Variants in TRIM24 observed in about 807,000 individuals in gnomAD.
The protein encoded by TRIM24 is transcription intermediary factor 1-alpha.
A neutral mutation model predicts 123.9 loss-of-function variants in TRIM24; 29 were observed. That is an observed-to-expected ratio of 0.23 (90% confidence interval 0.17 to 0.32). The LOEUF (loss-of-function observed/expected upper bound fraction) is 0.32, where lower values mean the gene tolerates loss of function less well. TRIM24 is among the 10% of genes least tolerant of loss of function. The pLI is 1.00. For missense variants in TRIM24, 932 were observed against 1,295.3 expected (o/e 0.72, Z 4.31); for synonymous variants, 456 against 461.1 (o/e 0.99, Z 0.14).
chr7:138,584,684 T>C, intron 18 of TRIM24, 58 bp from the exon 19 acceptor site: 2 of 1,340,218 alleles, frequency 1.5e-6, no homozygotes, highest in Non-Finnish European at 2.0e-6. Context: ...TTAATATATA[T>C]AATCTCAGAA....
intron 1 of TRIM24, among the ~76,000 whole-genome samples, chr7:138,486,321 G>A (rs968334527): frequency 6.6e-6 from 1 of 152,106 alleles, no homozygotes; most frequent in African/African-American, 2.4e-5. Context: ...CTTTTGCTGT[G>A]CAGAAGTTCT....
At chr7:138,583,638 AAC>A (rs1185231528) in intron 17 of TRIM24, among the ~76,000 whole-genome samples, 4 of 152,172 alleles carry the variant, frequency 2.6e-5, no homozygotes, top group African/African-American at 9.7e-5. Context: ...TAATTGGTTA[AAC>A]TTTTGGAAAA....
At chr7:138,542,125 A>G (rs1322965594) in intron 7 of TRIM24, among the ~76,000 whole-genome samples, 1 of 152,186 alleles carries the variant, frequency 6.6e-6, no homozygotes, top group Non-Finnish European at 1.5e-5. Flanking sequence ...CTCTTCATTC[A>G]TGTGTTCACT....
intron 1 of TRIM24, among the ~76,000 whole-genome samples, chr7:138,471,370 C>T (rs568004278): frequency 2.0e-5 from 3 of 152,166 alleles, no homozygotes; most frequent in Middle Eastern, 6.8e-3. Context: ...TGAATTGCCT[C>T]AATATTTTTG....
In TRIM24 at chr7:138,585,151, T is replaced by C. The variant is rs188340568; in HGVS notation, c.*200T>C. On this transcript the variant is annotated 3_prime_UTR_variant, in exon 19 of 19. Coordinates refer to ENST00000343526, the MANE Select transcript of TRIM24 (RefSeq NM_015905.3). Reference sequence around the variant, plus strand: ...CTAAGAAAGAAAGGAAAGAAGGAGATGAATAGAAGAAAGAAAATGGAAAGA... The same window carrying C: ...CTAAGAAAGAAAGGAAAGAAGGAGACGAATAGAAGAAAGAAAATGGAAAGA... 1 of 394,424 alleles carries C rather than the reference T, an allele frequency of 2.5e-6. No homozygotes were observed. The highest frequency in any genetic ancestry group is 3.9e-5 in the East Asian group (1 of 25,622). The allele number at this position is 394,424 out of a possible 1,614,324, so 24.4% of individuals were successfully genotyped here.
chr7:138,521,521 C>G (rs1796503587), intron 4 of TRIM24, among the ~76,000 whole-genome samples: 1 of 151,710 alleles, frequency 6.6e-6, no homozygotes, highest in Admixed American at 6.6e-5. Flanking sequence ...TCAGTATAAA[C>G]AAAGGCCAAA....
chr7:138,463,197 A>G (rs781182790), intron 1 of TRIM24, among the ~76,000 whole-genome samples: 15 of 147,548 alleles, frequency 1.0e-4, no homozygotes, highest in African/African-American at 1.5e-4. Flanking sequence ...GCCTGTTCTT[A>G]TTTCTTAGAC....
intron 7 of TRIM24, among the ~76,000 whole-genome samples, chr7:138,543,273 A>G (rs774705705): frequency 2.6e-5 from 4 of 152,230 alleles, no homozygotes; most frequent in Non-Finnish European, 4.4e-5. Flanking sequence ...AGTGAATCAT[A>G]TAGTACCAGT....
intron 12 of TRIM24, 23 bp downstream of exon 12, chr7:138,573,665 T>TA (rs1797700585): frequency 1.9e-6 from 3 of 1,584,182 alleles, no homozygotes; most frequent in African/African-American, 2.7e-5. Context: ...TCTTTTGATT[T>TA]TTGTGAAAGT....
intron 10 of TRIM24, among the ~76,000 whole-genome samples, chr7:138,569,538 C>T (rs1270029806): frequency 3.9e-5 from 6 of 152,068 alleles, no homozygotes; most frequent in Admixed American, 3.9e-4. Context: ...TGTTTTCCTC[C>T]AGCCTCATCA....
chr7:138,558,659 G>A (rs113063323), intron 9 of TRIM24, among the ~76,000 whole-genome samples: 1,813 of 152,254 alleles, frequency 0.012, 28 homozygotes, highest in African/African-American at 0.042. Context: ...GGGTTGAATC[G>A]GTCCAGGTTT....
At chr7:138,478,551 A>G (rs1247508314) in intron 1 of TRIM24, among the ~76,000 whole-genome samples, 2 of 152,128 alleles carry the variant, frequency 1.3e-5, no homozygotes, top group African/African-American at 4.8e-5. Context: ...AACACAGCTT[A>G]CTTCAGCCTT....
chr7:138,518,141 G>A (rs1796437595), intron 3 of TRIM24, among the ~76,000 whole-genome samples: 2 of 152,102 alleles, frequency 1.3e-5, no homozygotes, highest in East Asian at 3.9e-4. Context: ...TCTATTTCGT[G>A]AAATACTATA....
intron 9 of TRIM24, among the ~76,000 whole-genome samples, chr7:138,559,078 T>G (rs1479428913): frequency 2.6e-5 from 4 of 152,142 alleles, no homozygotes; most frequent in Non-Finnish European, 5.9e-5. Context: ...GTTTGGAAGA[T>G]CCCCTTCCTT....
chr7:138,468,168 T>TC (rs1489700796), intron 1 of TRIM24, among the ~76,000 whole-genome samples: 2 of 152,202 alleles, frequency 1.3e-5, no homozygotes, highest in South Asian at 4.1e-4. Context: ...ATGAAGAAGT[T>TC]CCCTTCTATT....
At chr7:138,578,569 C>T (rs942390998) in intron 14 of TRIM24, among the ~76,000 whole-genome samples, 12 of 139,652 alleles carry the variant, frequency 8.6e-5, no homozygotes, top group African/African-American at 2.9e-4. Flanking sequence ...TGTGTGCGCG[C>T]ACGCACGAAT....
intron 4 of TRIM24, among the ~76,000 whole-genome samples, chr7:138,521,070 A>G (rs1796495515): frequency 6.6e-6 from 1 of 152,232 alleles, no homozygotes; most frequent in South Asian, 2.1e-4. Context: ...TAACTTTCAA[A>G]TCTAAAATTC....
chr7:138,583,488 C>T (rs1291606751), intron 17 of TRIM24, among the ~76,000 whole-genome samples: 1 of 152,100 alleles, frequency 6.6e-6, no homozygotes, highest in Non-Finnish European at 1.5e-5. Flanking sequence ...GCTATGTTAG[C>T]GCATGCCTGT....
Position 138,587,123 on chromosome 7 carries a change from G to A in TRIM24, c.*2172G>A, listed in dbSNP as rs1222813079. ...TCCCACCAGCACTTTGGGAGGCCAA[G>A]GTGGGCGGATCACAAAGTCAAGAGT... On this transcript the variant is annotated 3_prime_UTR_variant, in exon 19 of 19. Transcript: ENST00000343526. 6.6e-6 allele frequency: 1 copy of A among 152,160 alleles called. No homozygotes were observed. The highest frequency in any genetic ancestry group is 1.5e-5 in the Non-Finnish European group (1 of 68,042). 9.4% of individuals were successfully genotyped at this position (152,160 alleles called of 1,614,324 possible).
Sources: allele counts gnomAD v4.1 joint callset (sites outside exome capture counted in the v4.1 genomes callset), GRCh38; gene constraint gnomAD v4.1.1; transcripts MANE v1.5; gene names NCBI Gene and HGNC (gene_info 2026-07-23, HGNC 2026-07-21).